The following GANC variants were observed in gnomAD, a reference collection of about 807,000 sequenced individuals.
The protein encoded by GANC is glucosidase alpha, neutral C, also known as neutral alpha-glucosidase C.
In GANC, 117 loss-of-function variants were observed where a neutral mutation model predicts 124.2. That is an observed-to-expected ratio of 0.94 (90% CI 0.81 to 1.10). GANC has a LOEUF of 1.10. Ranked by LOEUF, GANC falls within the 50% of genes least tolerant of loss-of-function variation. GANC has a pLI of 0.00. For missense variants in GANC, 1,140 were observed against 1,095.0 expected, an observed-to-expected ratio of 1.04 and a Z score of -0.58; for synonymous variants, 377 against 376.8, an observed-to-expected ratio of 1.00 and a Z score of -0.01.
intron 6 of GANC, among the ~76,000 whole-genome samples, chr15:42,297,989 A>G (rs991341876): frequency 6.6e-6 from 1 of 152,196 alleles, no homozygotes; most frequent in Non-Finnish European, 1.5e-5. Flanking sequence ...GGAAAGACAG[A>G]CATTGGGTAA....
chr15:42,338,689 C>G (rs1034118693), intron 16 of GANC, among the ~76,000 whole-genome samples, 199 bp downstream of exon 16: 1 of 152,164 alleles, frequency 6.6e-6, no homozygotes, highest in Admixed American at 6.5e-5. Context: ...TATCTGGTCT[C>G]TGTTGAGGGC....
chr15:42,290,088 T>C (rs538376234), intron 4 of GANC, among the ~76,000 whole-genome samples: 2 of 152,340 alleles, frequency 1.3e-5, no homozygotes, highest in Non-Finnish European at 2.9e-5. Context: ...TTTCTGATAT[T>C]TTCTTATGGC....
intron 5 of GANC, among the ~76,000 whole-genome samples, chr15:42,294,610 T>G (rs1443193376): frequency 6.6e-6 from 1 of 151,112 alleles, no homozygotes; most frequent in African/African-American, 2.5e-5. Flanking sequence ...TGTTTCCAGT[T>G]TTTTGTGTAT....
Position 42,278,483 on chromosome 15 carries a change from C to A in GANC, c.94C>A (p.Arg32Ser), listed in dbSNP as rs767616669. ...RDCNKIAFYR[R>S]QKQWLSKKST... ...CATCTGCATACTCCGTATCTATAGG[C>A]GTCAGAAACAGTGGCTTTCCAAGAA... is the stretch of plus-strand genomic sequence containing the variant. Residue 32 changes from arginine (R) to serine (S), a missense_variant and splice_region_variant, in exon 3 of 24, where the codon CGT becomes AGT. By Grantham distance (110) the Arg-to-Ser change is moderately radical. Transcript: ENST00000318010. 1 of 1,598,636 alleles carries A rather than the reference C, an allele frequency of 6.3e-7. No homozygotes were observed. Among genetic ancestry groups the A allele is most frequent in the South Asian group, 1.1e-5 (1 of 90,122 alleles).
rs1347849737 is a variant in GANC, at chr15:42,274,252, C to T, written c.-230C>T. The T allele has an allele frequency of 5.5e-6, 3 of 542,082 alleles. No homozygotes were observed. The highest frequency in any genetic ancestry group is 7.0e-5 in the East Asian group (2 of 28,676). 33.6% of individuals were successfully genotyped at this position (542,082 alleles called of 1,614,324 possible). On this transcript the variant is annotated 5_prime_UTR_variant, in exon 1 of 24. Coordinates refer to ENST00000318010, the MANE Select transcript of GANC (RefSeq NM_198141.3). ...CCTCATCAGCCACCCATAATCAAGA[C>T]AAATTTGCCAAATAAATCATTGTAG...
chr15:42,314,707 C>G (rs3736095), intron 10 of GANC: 2 of 152,312 alleles, frequency 1.3e-5, no homozygotes, highest in Non-Finnish European at 2.9e-5. Flanking sequence ...CATGATATAG[C>G]ATTTTAAAAA....
intron 9 of GANC, 76 bp downstream of exon 9, chr15:42,310,539 C>G (rs1299231493): frequency 6.8e-7 from 1 of 1,474,384 alleles, no homozygotes; most frequent in African/African-American, 1.4e-5. Flanking sequence ...TAGCTCTTAT[C>G]TTTGTATTGG....
intron 7 of GANC, 37 bp downstream of exon 7, chr15:42,306,649 T>C: frequency 7.1e-7 from 1 of 1,399,138 alleles, no homozygotes; most frequent in Non-Finnish European, 1.0e-6. Context: ...AAACAGATCA[T>C]TCTAAAAATG....
chr15:42,310,487 T>C, intron 9 of GANC, 24 bp downstream of exon 9: 3 of 1,566,708 alleles, frequency 1.9e-6, no homozygotes, highest in Non-Finnish European at 2.6e-6. Context: ...CATGGCTACA[T>C]GTCATACTTA....
At chr15:42,294,779 C>A (rs2051875116) in intron 5 of GANC, among the ~76,000 whole-genome samples, 1 of 151,256 alleles carries the variant, frequency 6.6e-6, no homozygotes, top group Admixed American at 6.6e-5. Context: ...TACATAATTT[C>A]TGTTGTATGG....
At chr15:42,314,473 G>T in intron 10 of GANC, 2 of 299,768 alleles carry the variant, frequency 6.7e-6, no homozygotes, top group Admixed American at 4.9e-5. Flanking sequence ...AGCTGTTATG[G>T]TCCTTGGGTG....
At chr15:42,277,072 G>A (rs2051678440) in intron 2 of GANC, among the ~76,000 whole-genome samples, 1 of 152,106 alleles carries the variant, frequency 6.6e-6, no homozygotes, top group Non-Finnish European at 1.5e-5. Flanking sequence ...CTACCACAAT[G>A]AAGAGCTATA....
intron 10 of GANC, chr15:42,313,977 A>AACAACAACAACG (rs777844684): frequency 7.8e-5 from 52 of 663,468 alleles, no homozygotes; most frequent in Non-Finnish European, 1.2e-4. Flanking sequence ...CAACAACAAC[A>AACAACAACAACG]AAATTAATGT....
chr15:42,339,789 C>T lies in GANC; in HGVS notation c.1964C>T (p.Pro655Leu), dbSNP rs752375053. Residue 655 changes from proline to leucine, a missense_variant, in exon 17 of 24, where the codon CCC (proline) becomes CTC (leucine). By Grantham distance (98) the Pro-to-Leu change is moderately conservative. Coordinates refer to ENST00000318010, the MANE Select transcript of GANC (RefSeq NM_198141.3). ...ACCATGAACACCAAGCGACGAGAGC[C>T]CTGGCTCTTTGGGGAGGAACACACC... is the stretch of plus-strand genomic sequence containing the variant. ...HATMNTKRRE[P>L]WLFGEEHTRL... 45 of 1,614,028 alleles carry T rather than the reference C, an allele frequency of 2.8e-5. No individual in the cohort carries two copies. The highest frequency in any genetic ancestry group is 3.6e-5 in the Non-Finnish European group (43 of 1,180,024).
intron 15 of GANC, among the ~76,000 whole-genome samples, chr15:42,336,824 A>G (rs2052286896): frequency 6.6e-6 from 1 of 152,248 alleles, no homozygotes; most frequent in South Asian, 2.1e-4. Context: ...TGGGCAAAGA[A>G]CATGAACAGA....
intron 15 of GANC, among the ~76,000 whole-genome samples, chr15:42,333,215 C>G (rs139176291): frequency 0.011 from 1,659 of 151,546 alleles, 36 homozygotes; most frequent in African/African-American, 0.039. Context: ...GTAGTCCCAG[C>G]TATTCAGGAG....
chr15:42,335,092 A>G (rs2052274199), intron 15 of GANC, among the ~76,000 whole-genome samples: 1 of 152,202 alleles, frequency 6.6e-6, no homozygotes, highest in African/African-American at 2.4e-5. Flanking sequence ...ATTGAGGAGG[A>G]AAGACTCCTC....
At chr15:42,280,460 G>A (rs891009995) in intron 3 of GANC, among the ~76,000 whole-genome samples, 7 of 152,120 alleles carry the variant, frequency 4.6e-5, no homozygotes, top group African/African-American at 1.4e-4. Context: ...TTTGCATGTG[G>A]TCTAATAGCC....
At chr15:42,328,251 G>A (rs915565700) in intron 13 of GANC, among the ~76,000 whole-genome samples, 3 of 152,112 alleles carry the variant, frequency 2.0e-5, no homozygotes, top group African/African-American at 4.8e-5. Context: ...ATAGACAAGC[G>A]TTGGGCCAAA....
Sources: allele counts gnomAD v4.1 joint callset (sites outside exome capture counted in the v4.1 genomes callset), GRCh38; gene constraint gnomAD v4.1.1; transcripts MANE v1.5; gene names NCBI Gene and HGNC (gene_info 2026-07-23, HGNC 2026-07-21).